The following TOPAZ1 variants were observed in gnomAD, a reference collection of about 807,000 sequenced individuals.
TOPAZ1 encodes the protein testis and ovary specific TOPAZ 1.
A neutral mutation model predicts 172.2 loss-of-function variants in TOPAZ1; 66 were observed. The ratio of observed to expected loss-of-function variants is 0.38; its 90% confidence interval spans 0.31 to 0.47. The LOEUF is 0.47. TOPAZ1 is among the 20% of genes least tolerant of loss of function. The probability of loss-of-function intolerance (pLI) is 0.99; values close to 1 mark genes in which losing one functional copy is unlikely to be tolerated. For missense variants in TOPAZ1, 1,822 were observed against 1,972.4 expected (o/e 0.92, Z 1.44); for synonymous variants, 681 against 683.9 (o/e 1.00, Z 0.07).
intron 7 of TOPAZ1, 46 bp downstream of exon 7, chr3:44,269,347 C>T (rs763495984): frequency 4.6e-5 from 52 of 1,140,682 alleles, no homozygotes; most frequent in Middle Eastern, 4.2e-4. Flanking sequence ...CTTTCTCCTC[C>T]CCCTCCTCCT....
rs1368970462 is a variant in TOPAZ1, at chr3:44,243,407, T to C, written c.901T>C (p.Tyr301His). The part of the protein sequence containing the change: ...NKLLPEESDL[Y>H]QSKTNGLLSC... ...GTTACTACCAGAAGAGAGTGATTTA[T>C]ACCAAAGTAAAACCAATGGCTTGCT... is the stretch of plus-strand genomic sequence containing the variant. The change falls in exon 2 of 20, where the codon TAC (tyrosine) becomes CAC (histidine). Residue 301 changes from tyrosine (Y) to histidine (H), a missense_variant. Tyr to His is a moderately conservative substitution (Grantham distance 83, BLOSUM62 2). Transcript: ENST00000309765. 1 of 1,551,356 alleles carries C rather than the reference T, an allele frequency of 6.4e-7. No individual in the cohort carries two copies. The highest frequency in any genetic ancestry group is 8.7e-7 in the Non-Finnish European group (1 of 1,146,892).
intron 14 of TOPAZ1, 73 bp downstream of exon 14, chr3:44,305,394 G>A: frequency 7.6e-7 from 1 of 1,311,288 alleles, no homozygotes; most frequent in Non-Finnish European, 1.0e-6. Flanking sequence ...TTTAGAGACA[G>A]GGTCTTCCTT....
rs1415051436 is a variant in TOPAZ1 at position 44,331,837 on chromosome 3, A to C, written c.4905A>C (p.Ala1635=). Residue 1635 remains alanine (A), a synonymous_variant, in exon 20 of 20, where the codon GCA becomes GCC. Coordinates refer to ENST00000309765, the MANE Select transcript of TOPAZ1 (RefSeq NM_001145030.2). ...QSRSNDDYQA[A]VERLIMAARI... ...GGAGCAATGATGATTATCAAGCTGC[A>C]GTAGAAAGGTTAATTATGGCTGCTC... 2 of 1,552,158 alleles carry C rather than the reference A, an allele frequency of 1.3e-6. No individual in the cohort carries two copies. Among genetic ancestry groups the C allele is most frequent in the Admixed American group, 3.9e-5 (2 of 51,012 alleles).
chr3:44,277,665 A>G (rs767960937), intron 8 of TOPAZ1, among the ~76,000 whole-genome samples: 3 of 152,164 alleles, frequency 2.0e-5, no homozygotes, highest in Non-Finnish European at 4.4e-5. Context: ...CTGCAATCCT[A>G]AAGGTGGGGC....
At chr3:44,253,019 T>C (rs537341565) in intron 2 of TOPAZ1, among the ~76,000 whole-genome samples, 1 of 152,266 alleles carries the variant, frequency 6.6e-6, no homozygotes, top group Non-Finnish European at 1.5e-5. Flanking sequence ...TAGCTAATTG[T>C]TGAGGAAAAT....
chr3:44,263,512 C>T lies in TOPAZ1; in HGVS notation c.3020+1029C>T, dbSNP rs959954940. 5.3e-5 allele frequency among the ~76,000 whole-genome samples: 8 copies of T among 152,242 alleles called. No homozygotes were observed. In the South Asian group the frequency reaches 6.2e-4, roughly 12 times the overall value. ...TTCTATTTCTTTGTTTATGTTGCCG[C>T]TTTTGTTTTATTTGTGGAGGACATA... On this transcript the variant is annotated intron_variant, in intron 5 of 19. Coordinates refer to ENST00000309765, the MANE Select transcript of TOPAZ1 (RefSeq NM_001145030.2).
At chr3:44,334,437 G>T (rs1245940881), downstream of TOPAZ1, among the ~76,000 whole-genome samples, 1 of 152,070 alleles carries the variant, frequency 6.6e-6, no homozygotes, top group Non-Finnish European at 1.5e-5. Flanking sequence ...TGTCATGAAG[G>T]GTTATGAAAA....
Position 44,243,074 on chromosome 3 carries a change from G to C in TOPAZ1, c.568G>C (p.Ala190Pro). ...ACCTCTCAAAATAACCGAAAATGAG[G>C]CTACACAAAATATTAAGGTTGAATT... ...NPPLKITENE[A>P]TQNIKVEFQD... Residue 190 changes from alanine (A) to proline (P), a missense_variant, in exon 2 of 20, where the codon GCT (alanine) becomes CCT (proline). Physicochemically the swap from Ala to Pro is conservative, Grantham distance 27. Around this residue, in one of 2 missense-constraint regions of TOPAZ1, gnomAD observed 1,489 missense variants for 1,490.8 expected, o/e 1.00. Coordinates refer to ENST00000309765, the MANE Select transcript of TOPAZ1 (RefSeq NM_001145030.2). The C allele has an allele frequency of 1.9e-6, 3 of 1,546,688 alleles. No individual in the cohort carries two copies. Among genetic ancestry groups the C allele is most frequent in the Non-Finnish European group, 2.6e-6 (3 of 1,145,774 alleles).
chr3:44,268,634 G>A (rs1275577462), intron 6 of TOPAZ1, among the ~76,000 whole-genome samples: 3 of 151,818 alleles, frequency 2.0e-5, no homozygotes, highest in Admixed American at 1.3e-4. Context: ...CTGCCCACGT[G>A]GGCCTCCCAA....
intron 8 of TOPAZ1, among the ~76,000 whole-genome samples, chr3:44,276,202 A>G (rs1699953386): frequency 6.6e-6 from 1 of 152,026 alleles, no homozygotes; most frequent in African/African-American, 2.4e-5. Flanking sequence ...ATATAGTCCC[A>G]TTTGTCTTAT....
At chr3:44,320,923 T>C in intron 16 of TOPAZ1, 104 bp from the exon 17 acceptor site, 1 of 727,504 alleles carries the variant, frequency 1.4e-6, no homozygotes, top group East Asian at 3.0e-5. Flanking sequence ...TATGTTTAAG[T>C]TTTGCCTGTT....
At chr3:44,296,847 C>CAAAAAAAAAAAAAAACAAAAA (rs1700201514) in intron 12 of TOPAZ1, among the ~76,000 whole-genome samples, 1 of 104,776 alleles carries the variant, frequency 9.5e-6, no homozygotes, top group South Asian at 3.1e-4. Context: ...CAGAGAATAC[C>CAAAAAAAAAAAAAAACAAAAA]AAAAAAAAAA....
intron 9 of TOPAZ1, among the ~76,000 whole-genome samples, chr3:44,282,554 C>T (rs1468699159): frequency 6.6e-6 from 1 of 152,124 alleles, no homozygotes; most frequent in Non-Finnish European, 1.5e-5. Flanking sequence ...AGGGCTAGGT[C>T]GTAGGAAATA....
rs951603265 is a variant in TOPAZ1, at chr3:44,244,766, G to T, written c.2260G>T (p.Val754Leu). 7 of 1,551,582 alleles carry T rather than the reference G, an allele frequency of 4.5e-6. No individual in the cohort carries two copies. Among genetic ancestry groups the T allele is most frequent in the Non-Finnish European group, 6.1e-6 (7 of 1,146,976 alleles). ...TLSIRNSVTPVQASSDSFYNK... is the reference protein window; with the variant it reads ...TLSIRNSVTPLQASSDSFYNK... Reference sequence around the variant, plus strand: ...GAGCATACGAAATAGTGTAACTCCAGTGCAAGCTAGTTCTGACTCATTCTA... The same window carrying T: ...GAGCATACGAAATAGTGTAACTCCATTGCAAGCTAGTTCTGACTCATTCTA... Residue 754 changes from valine (V) to leucine (L), a missense_variant, in exon 2 of 20, where the codon GTG (valine) becomes TTG (leucine). Physicochemically the swap from Val to Leu is conservative, Grantham distance 32. Around this residue, in one of 2 missense-constraint regions of TOPAZ1, gnomAD observed 1,489 missense variants for 1,490.8 expected, o/e 1.00. Transcript: ENST00000309765.
At chr3:44,312,945 A>G (rs141250423) in intron 16 of TOPAZ1, among the ~76,000 whole-genome samples, 12 of 152,296 alleles carry the variant, frequency 7.9e-5, no homozygotes, top group African/African-American at 2.6e-4. Flanking sequence ...TCACCCAGAA[A>G]TTGCTATTAT....
chr3:44,250,823 G>A (rs1450295210), intron 2 of TOPAZ1, among the ~76,000 whole-genome samples: 34 of 152,088 alleles, frequency 2.2e-4, no homozygotes, highest in Admixed American at 2.2e-3. Context: ...TCTCTTTCAG[G>A]CCACGTAAAC....
At chr3:44,290,287 A>T (rs1410843870) in intron 11 of TOPAZ1, among the ~76,000 whole-genome samples, 1 of 152,192 alleles carries the variant, frequency 6.6e-6, no homozygotes, top group Non-Finnish European at 1.5e-5. Context: ...AATGAGTCAT[A>T]TGTGAATGAC....
At chr3:44,301,831 T>G (rs1356965274) in intron 12 of TOPAZ1, among the ~76,000 whole-genome samples, 1 of 152,168 alleles carries the variant, frequency 6.6e-6, no homozygotes, top group Non-Finnish European at 1.5e-5. Context: ...CTTCTGGTGT[T>G]TTTTACCATG....
intron 12 of TOPAZ1, among the ~76,000 whole-genome samples, chr3:44,291,113 A>G (rs555333730): frequency 1.2e-3 from 176 of 152,160 alleles, no homozygotes; most frequent in African/African-American, 4.0e-3. Flanking sequence ...TGTCCTGCTC[A>G]TCAAGTGTAA....
Sources: allele counts gnomAD v4.1 joint callset (sites outside exome capture counted in the v4.1 genomes callset), GRCh38; gene constraint gnomAD v4.1.1; regional missense constraint gnomAD v4.1.1; transcripts MANE v1.5; gene names NCBI Gene and HGNC (gene_info 2026-07-23, HGNC 2026-07-21).